Variants in NCOA2 observed in about 807,000 individuals in gnomAD.
NCOA2 encodes the protein class E basic helix-loop-helix protein 75.
NCOA2 carries 21 observed loss-of-function variants against 145.1 expected under a neutral mutation model. That is an observed-to-expected ratio of 0.14 (90% CI 0.10 to 0.21). The LOEUF is 0.21. NCOA2 is among the 10% of genes least tolerant of loss of function. The probability of loss-of-function intolerance (pLI) is 1.00; values close to 1 mark genes in which losing one functional copy is unlikely to be tolerated. For missense variants in NCOA2, 1,472 were observed against 1,837.6 expected, an observed-to-expected ratio of 0.80 and a Z score of 3.64; for synonymous variants, 619 against 637.5, an observed-to-expected ratio of 0.97 and a Z score of 0.44.
intron 11 of NCOA2, 67 bp downstream of exon 11, chr8:70,155,904 C>A: frequency 3.1e-6 from 4 of 1,270,558 alleles, no homozygotes; most frequent in Non-Finnish European, 3.2e-6. Context: ...CTTCAAAATG[C>A]CCCTATGGAG....
At chr8:70,329,059 A>C (rs1806844637) in intron 1 of NCOA2, among the ~76,000 whole-genome samples, 1 of 151,952 alleles carries the variant, frequency 6.6e-6, no homozygotes, top group Non-Finnish European at 1.5e-5. Flanking sequence ...GGCTCAAATA[A>C]TCCTCCTGCC....
intron 1 of NCOA2, among the ~76,000 whole-genome samples, chr8:70,297,127 A>G (rs1281620264): frequency 6.6e-6 from 1 of 152,180 alleles, no homozygotes; most frequent in East Asian, 1.9e-4. Flanking sequence ...TGAGACAAAA[A>G]GCTGAGTAAA....
At chr8:70,369,224 A>T (rs1258549816) in intron 1 of NCOA2, among the ~76,000 whole-genome samples, 1 of 152,218 alleles carries the variant, frequency 6.6e-6, no homozygotes, top group Non-Finnish European at 1.5e-5. Context: ...ACACAAATTC[A>T]ATTTTGGTAA....
chr8:70,421,062 G>A, the NCOA2 span, among the ~76,000 whole-genome samples: 1 of 152,114 alleles, frequency 6.6e-6, no homozygotes, highest in Non-Finnish European at 1.5e-5. Context: ...TTAAAATGAG[G>A]TCAGAGATTC....
At chr8:70,171,864 C>T (rs757062610) in intron 5 of NCOA2, among the ~76,000 whole-genome samples, 8 of 152,142 alleles carry the variant, frequency 5.3e-5, no homozygotes, top group Non-Finnish European at 1.2e-4. Context: ...CACTCTGTTG[C>T]ATAGGCTGGG....
At chr8:70,152,743 A>C (rs1811880751) in intron 11 of NCOA2, among the ~76,000 whole-genome samples, 4 of 152,244 alleles carry the variant, frequency 2.6e-5, no homozygotes, top group Admixed American at 2.0e-4. Flanking sequence ...CTCGGTAAAA[A>C]ATGCTATTTT....
At chr8:70,394,502 T>A (rs1237247671) in intron 1 of NCOA2, among the ~76,000 whole-genome samples, 4 of 152,178 alleles carry the variant, frequency 2.6e-5, no homozygotes, top group African/African-American at 9.7e-5. Flanking sequence ...CACACTTGTA[T>A]GAAAAAGCTT....
chr8:70,383,093 A>G (rs1812355222), intron 1 of NCOA2, among the ~76,000 whole-genome samples: 1 of 152,242 alleles, frequency 6.6e-6, no homozygotes, highest in Admixed American at 6.5e-5. Context: ...TGAACTCTGG[A>G]CAGAGCGCCC....
intron 4 of NCOA2, among the ~76,000 whole-genome samples, chr8:70,184,544 C>A (rs1232051298): frequency 6.6e-6 from 1 of 152,050 alleles, no homozygotes; most frequent in Admixed American, 6.6e-5. Context: ...TATAAAGCAG[C>A]GCTTTATAGG....
At chr8:70,146,543 G>A (rs550898428) in intron 12 of NCOA2, among the ~76,000 whole-genome samples, 1 of 152,296 alleles carries the variant, frequency 6.6e-6, no homozygotes, top group South Asian at 2.1e-4. Context: ...TGGAAATTAT[G>A]TGCGTGCTTA....
chr8:70,252,279 T>C (rs1246093982), intron 2 of NCOA2, among the ~76,000 whole-genome samples: 2 of 152,124 alleles, frequency 1.3e-5, no homozygotes, highest in Non-Finnish European at 2.9e-5. Context: ...ACTACTTAAG[T>C]AGTGGTAGTT....
intron 2 of NCOA2, among the ~76,000 whole-genome samples, chr8:70,286,476 C>T (rs921709454): frequency 1.3e-5 from 2 of 152,096 alleles, no homozygotes; most frequent in African/African-American, 2.4e-5. Context: ...GAGACTTAAC[C>T]GTGAGCTACA....
chr8:70,379,179 G>C (rs904975742), intron 1 of NCOA2, among the ~76,000 whole-genome samples: 1 of 152,190 alleles, frequency 6.6e-6, no homozygotes, highest in East Asian at 1.9e-4. Context: ...CACCATGTAA[G>C]CCTAAATTAT....
chr8:70,430,451 G>A, the NCOA2 span, among the ~76,000 whole-genome samples: 4 of 152,124 alleles, frequency 2.6e-5, no homozygotes, highest in Non-Finnish European at 4.4e-5. Flanking sequence ...TAATTACAGT[G>A]GGTAAATTTT....
At chr8:70,376,051 A>C (rs1811637242) in intron 1 of NCOA2, among the ~76,000 whole-genome samples, 1 of 152,216 alleles carries the variant, frequency 6.6e-6, no homozygotes, top group Admixed American at 6.5e-5. Flanking sequence ...CTTTAGTAGT[A>C]AAATACCTCA....
At chr8:70,265,812 T>TTTGTTG (rs139056239) in intron 2 of NCOA2, among the ~76,000 whole-genome samples, 4,914 of 151,118 alleles carry the variant, frequency 0.033, 259 homozygotes, top group African/African-American at 0.12. Context: ...ACTTCAGTTT[T>TTTGTTG]TTGTTGTTGT....
At position 70,147,119 on chromosome 8, in the gene NCOA2, C is replaced by T. The variant is rs554219110; in HGVS notation, c.2605+1154G>A. ...GTCACATGCAAATCTTTCGCGCGCG[C>T]GCGCGCGCGTGTGTGTGTGTGTGTG... On this transcript the variant is annotated intron_variant, in intron 12 of 22. Transcript: ENST00000452400. Among the ~76,000 whole-genome samples, 961 of 150,690 alleles carry T rather than the reference C, an allele frequency of 6.4e-3. 13 individuals carry two copies. The highest frequency in any genetic ancestry group is 0.022 in the African/African-American group (901 of 40,584).
intron 1 of NCOA2, among the ~76,000 whole-genome samples, chr8:70,368,649 T>G (rs1810927591): frequency 6.6e-6 from 1 of 152,210 alleles, no homozygotes; most frequent in Non-Finnish European, 1.5e-5. Flanking sequence ...TTCACTGTAT[T>G]TCTTAAGTGT....
intron 7 of NCOA2, 55 bp downstream of exon 7, chr8:70,166,511 G>A: frequency 6.4e-7 from 1 of 1,573,352 alleles, no homozygotes; most frequent in Non-Finnish European, 8.7e-7. Flanking sequence ...TGTGAAGGAA[G>A]TAGCACAGGA....
Sources: allele counts gnomAD v4.1 joint callset (sites outside exome capture counted in the v4.1 genomes callset), GRCh38; gene constraint gnomAD v4.1.1; transcripts MANE v1.5; gene names NCBI Gene and HGNC (gene_info 2026-07-23, HGNC 2026-07-21).